Variants in SOCS5 observed in about 807,000 individuals in gnomAD.
SOCS5 encodes suppressor of cytokine signaling 5, also known as CIS-6.
Under a neutral mutation model 42.8 loss-of-function variants are expected in SOCS5, and 32 were observed. The observed-to-expected ratio is 0.75, with a 90% CI of 0.56 to 1.01. The LOEUF is 1.01. Ranked by LOEUF, SOCS5 falls within the 50% of genes least tolerant of loss-of-function variation. The probability of loss-of-function intolerance (pLI) is 0.00; values close to 1 mark genes in which losing one functional copy is unlikely to be tolerated. For synonymous variants in SOCS5, 283 were observed against 229.6 expected, an observed-to-expected ratio of 1.23 and a Z score of -2.10; for missense variants, 627 against 653.0, an observed-to-expected ratio of 0.96 and a Z score of 0.43.
chr2:46,706,587 A>T (rs898003467), intron 1 of SOCS5, among the ~76,000 whole-genome samples: 2 of 152,216 alleles, frequency 1.3e-5, no homozygotes, highest in Non-Finnish European at 2.9e-5. Context: ...TTGACTTTAT[A>T]AAATGCTGAA....
rs1672300892 is a variant in SOCS5 at position 46,699,743 on chromosome 2, G to A, written c.-13+294G>A. On this transcript the variant is annotated intron_variant, in intron 1 of 1. Coordinates refer to ENST00000394861, the MANE Select transcript of SOCS5 (RefSeq NM_144949.3). This position sits in a 1 kb window ranked among gnomAD's most constrained non-coding sequence, Gnocchi z 4.8. ...GAATTGTTTTTCTGGTTGGAGGAAC[G>A]TGGGGTTCCTAAGGGGAAGGGGGTC... Among the ~76,000 whole-genome samples, 2 of 152,152 alleles carry A rather than the reference G, an allele frequency of 1.3e-5. No individual in the cohort carries two copies. Among genetic ancestry groups the A allele is most frequent in the African/African-American group, 2.4e-5 (1 of 41,438 alleles).
intron 1 of SOCS5, among the ~76,000 whole-genome samples, chr2:46,716,906 T>C (rs746048818): frequency 2.6e-5 from 4 of 152,218 alleles, no homozygotes; most frequent in Non-Finnish European, 5.9e-5. Flanking sequence ...CACTGAGGTG[T>C]GCACTTTTTT....
rs112616142 is a variant in SOCS5 at position 46,722,391 on chromosome 2, C to T, written c.-13+22942C>T. ...GCTTTTTCAATTAGTCTGTCATTCACATTTAACTTGAGGTATATGTAGGCC... is the reference window on the plus strand; with the variant it reads ...GCTTTTTCAATTAGTCTGTCATTCATATTTAACTTGAGGTATATGTAGGCC... On this transcript the variant is annotated intron_variant, in intron 1 of 1. Transcript: ENST00000394861. 3.1e-4 allele frequency among the ~76,000 whole-genome samples: 47 copies of T among 152,228 alleles called. 1 individual carries two copies. The highest frequency in any genetic ancestry group is 1.1e-3 in the African/African-American group (46 of 41,552).
intron 1 of SOCS5, among the ~76,000 whole-genome samples, chr2:46,735,816 C>T (rs1324605897): frequency 6.6e-6 from 1 of 151,856 alleles, no homozygotes; most frequent in Admixed American, 6.6e-5. Flanking sequence ...TAATTTTTTT[C>T]CTATTTTCTC....
At chr2:46,743,053 C>T (rs1193518882) in intron 1 of SOCS5, among the ~76,000 whole-genome samples, 2 of 152,100 alleles carry the variant, frequency 1.3e-5, no homozygotes, top group African/African-American at 4.8e-5. Flanking sequence ...TGAGATTACT[C>T]AATTTTAGGC....
chr2:46,748,587 C>G (rs1673559548), intron 1 of SOCS5, among the ~76,000 whole-genome samples: 1 of 152,082 alleles, frequency 6.6e-6, no homozygotes, highest in Non-Finnish European at 1.5e-5. Flanking sequence ...GGATTCATTA[C>G]AAGTTGTCAA....
chr2:46,703,812 C>A (rs1672400357), intron 1 of SOCS5, among the ~76,000 whole-genome samples: 1 of 152,150 alleles, frequency 6.6e-6, no homozygotes, highest in African/African-American at 2.4e-5. Context: ...TTAACAAATT[C>A]TTCATCTGAG....
intron 1 of SOCS5, among the ~76,000 whole-genome samples, chr2:46,741,589 G>A (rs1228581000): frequency 6.6e-6 from 1 of 152,110 alleles, no homozygotes; most frequent in African/African-American, 2.4e-5. Flanking sequence ...TAACCACAGT[G>A]ATATTTCCTA....
intron 1 of SOCS5, among the ~76,000 whole-genome samples, chr2:46,747,019 G>C (rs929591554): frequency 1.4e-5 from 2 of 143,642 alleles, no homozygotes; most frequent in African/African-American, 5.1e-5. Context: ...AAGGTTGCTA[G>C]ACAGATTTGT....
chr2:46,699,875 CA>C lies in SOCS5; in HGVS notation c.-13+428del. Among the ~76,000 whole-genome samples, 1 of 151,986 alleles carries C rather than the reference CA, an allele frequency of 6.6e-6. No individual in the cohort carries two copies. Among genetic ancestry groups the C allele is most frequent in the Non-Finnish European group, 1.5e-5 (1 of 67,956 alleles). On this transcript the variant is annotated intron_variant, in intron 1 of 1. Transcript: ENST00000394861. This position sits in a 1 kb window ranked among gnomAD's most constrained non-coding sequence, Gnocchi z 4.8. Reference sequence around the variant, plus strand: ...AGGCTGCAGGGAAGGGAGCACCGACCAAGTCACTTGGGGCTCCAAGAGCCCG... The same window carrying C: ...AGGCTGCAGGGAAGGGAGCACCGACCAGTCACTTGGGGCTCCAAGAGCCCG...
intron 1 of SOCS5, among the ~76,000 whole-genome samples, chr2:46,716,965 G>T (rs1293871325): frequency 1.3e-5 from 2 of 152,134 alleles, no homozygotes; most frequent in Non-Finnish European, 2.9e-5. Flanking sequence ...ATTCATCCCA[G>T]CTGGTTATTG....
chr2:46,722,533 G>A (rs1436193565), intron 1 of SOCS5, among the ~76,000 whole-genome samples: 1 of 152,134 alleles, frequency 6.6e-6, no homozygotes, highest in Non-Finnish European at 1.5e-5. Flanking sequence ...TTGCTCAAGA[G>A]TATTCCTTTG....
chr2:46,731,744 G>C (rs1445045353), intron 1 of SOCS5, among the ~76,000 whole-genome samples: 1 of 151,992 alleles, frequency 6.6e-6, no homozygotes, highest in Non-Finnish European at 1.5e-5. Context: ...GGAGAAATAA[G>C]ATTGAGGCAC....
intron 1 of SOCS5, among the ~76,000 whole-genome samples, chr2:46,743,136 C>T (rs920925650): frequency 5.3e-5 from 8 of 152,108 alleles, no homozygotes; most frequent in Non-Finnish European, 1.0e-4. Flanking sequence ...TACTTCCTCC[C>T]TCCTTCCACT....
chr2:46,709,563 A>C (rs1391638068), intron 1 of SOCS5, among the ~76,000 whole-genome samples: 1 of 152,208 alleles, frequency 6.6e-6, no homozygotes, highest in Non-Finnish European at 1.5e-5. Flanking sequence ...AGGAGTTGGG[A>C]AAAACAGTAC....
At chr2:46,750,548 C>T (rs1187120157) in intron 1 of SOCS5, among the ~76,000 whole-genome samples, 1 of 152,056 alleles carries the variant, frequency 6.6e-6, no homozygotes, top group African/African-American at 2.4e-5. Context: ...TGAAATTAGG[C>T]ATCTGATTAC....
chr2:46,751,736 T>C (rs909175016), intron 1 of SOCS5, among the ~76,000 whole-genome samples: 7 of 152,010 alleles, frequency 4.6e-5, no homozygotes, highest in African/African-American at 1.7e-4. Flanking sequence ...AACTGTTCCA[T>C]AGAATGACTG....
intron 1 of SOCS5, among the ~76,000 whole-genome samples, chr2:46,724,695 G>A (rs1383239082): frequency 6.6e-6 from 1 of 151,708 alleles, no homozygotes; most frequent in Non-Finnish European, 1.5e-5. Flanking sequence ...TTATTTATTT[G>A]TAATTTAGGT....
At chr2:46,711,890 A>G (rs1672630801) in intron 1 of SOCS5, among the ~76,000 whole-genome samples, 1 of 152,190 alleles carries the variant, frequency 6.6e-6, no homozygotes, top group Non-Finnish European at 1.5e-5. Flanking sequence ...AGCGCAGTTA[A>G]TGGAGTAAGT....
Sources: allele counts gnomAD v4.1 joint callset (sites outside exome capture counted in the v4.1 genomes callset), GRCh38; gene constraint gnomAD v4.1.1; non-coding constraint Gnocchi (gnomAD v3.1); transcripts MANE v1.5; gene names NCBI Gene and HGNC (gene_info 2026-07-23, HGNC 2026-07-21).